RARB: variants seen among roughly 807,000 people sequenced by gnomAD.
RARB encodes the protein retinoic acid receptor beta.
RARB carries 17 observed loss-of-function variants against 51.9 expected under a neutral mutation model. The observed-to-expected ratio is 0.33, with a 90% CI of 0.22 to 0.49. The LOEUF (loss-of-function observed/expected upper bound fraction) is 0.49. Among genes scored for constraint, RARB ranks in the 20% least tolerant of loss-of-function variants. RARB has a pLI of 0.99. For synonymous variants in RARB, 215 were observed against 195.4 expected (o/e 1.10, Z -0.84); for missense variants, 369 against 550.8 (o/e 0.67, Z 3.30).
chr3:25,569,878 A>G lies in RARB; in HGVS notation c.569A>G (p.Glu190Gly). 1 of 1,614,230 alleles carries G rather than the reference A, an allele frequency of 6.2e-7. No homozygotes were observed. Among genetic ancestry groups the G allele is most frequent in the Non-Finnish European group, 8.5e-7 (1 of 1,180,036 alleles). Reference protein sequence around the residue: ...LTEKIRKAHQETFPSLCQLGK... With the variant: ...LTEKIRKAHQGTFPSLCQLGK... ...GAGAAGATCCGAAAAGCTCACCAGG[A>G]AACTTTCCCTTCACTCTGCCAGCTG... Residue 190 changes from glutamate (E) to glycine (G), a missense_variant, in exon 4 of 8, where the codon GAA becomes GGA. Physicochemically the swap from Glu to Gly is moderately conservative, Grantham distance 98 (BLOSUM62 -2). Transcript: ENST00000330688.
intron 2 of RARB, among the ~76,000 whole-genome samples, chr3:24,943,398 A>G (rs1006409720): frequency 3.3e-5 from 5 of 152,272 alleles, no homozygotes; most frequent in African/African-American, 4.8e-5. Flanking sequence ...TCTTCCCTCC[A>G]TATTGAATCC....
At chr3:24,963,427 C>G (rs575074475) in intron 2 of RARB, among the ~76,000 whole-genome samples, 1 of 148,350 alleles carries the variant, frequency 6.7e-6, no homozygotes, top group Non-Finnish European at 1.5e-5. Context: ...CTTGTTGTCA[C>G]GCTCATGGCC....
intron 7 of RARB, 70 bp from the exon 8 acceptor site, chr3:25,596,350 T>C (rs1259168675): frequency 5.0e-6 from 6 of 1,205,148 alleles, no homozygotes; most frequent in Non-Finnish European, 7.0e-6. Context: ...TATATGAAAA[T>C]TGGTCCCTGG....
chr3:24,918,806 G>T (rs2125385284), intron 2 of RARB, among the ~76,000 whole-genome samples: 1 of 152,274 alleles, frequency 6.6e-6, no homozygotes, highest in Admixed American at 6.5e-5. Flanking sequence ...CAGGAGAATT[G>T]CTTGAACCCA....
rs6793350 is a variant in RARB at position 25,161,729 on chromosome 3, A to G, written c.-279-12390A>G. On this transcript the variant is annotated intron_variant, in intron 4 of 11. Transcript: ENST00000383772. ...CTAGTTTTGTGTGTGTATCTTACTC[A>G]CTTCTTTTTTCCAAAATGTTGAATA... Among the ~76,000 whole-genome samples the G allele has an allele frequency of 3.9e-3, 588 of 152,184 alleles. 4 individuals carry two copies. The highest frequency in any genetic ancestry group is 0.014 in the African/African-American group (568 of 41,526).
intron 4 of RARB, among the ~76,000 whole-genome samples, chr3:25,160,129 A>G (rs1700449997): frequency 6.6e-6 from 1 of 152,210 alleles, no homozygotes; most frequent in Non-Finnish European, 1.5e-5. Context: ...AACTGTCTCC[A>G]TCATATCTAT....
At chr3:25,061,783 A>G (rs992144650) in intron 3 of RARB, among the ~76,000 whole-genome samples, 2 of 151,808 alleles carry the variant, frequency 1.3e-5, no homozygotes, top group Non-Finnish European at 3.0e-5. Flanking sequence ...AATTTAGAGG[A>G]AAAAAGTGAT....
At chr3:25,279,571 T>C (rs1207865063) in intron 5 of RARB, among the ~76,000 whole-genome samples, 3 of 151,368 alleles carry the variant, frequency 2.0e-5, no homozygotes, top group Non-Finnish European at 4.4e-5. Flanking sequence ...TAGTTACTAC[T>C]GATCTATTAA....
intron 2 of RARB, among the ~76,000 whole-genome samples, chr3:25,049,174 A>G (rs1408552521): frequency 1.3e-5 from 2 of 152,224 alleles, no homozygotes; most frequent in African/African-American, 2.4e-5. Flanking sequence ...AAGTATCTCA[A>G]TAGAAGCAGT....
intron 3 of RARB, among the ~76,000 whole-genome samples, chr3:25,510,038 G>A (rs960188890): frequency 6.6e-6 from 1 of 152,178 alleles, no homozygotes; most frequent in African/African-American, 2.4e-5. Flanking sequence ...CAGTGGTGCT[G>A]TGGTAGTTCA....
chr3:25,170,676 T>G (rs1486879273), intron 4 of RARB, among the ~76,000 whole-genome samples: 1 of 152,164 alleles, frequency 6.6e-6, no homozygotes, highest in Non-Finnish European at 1.5e-5. Context: ...CTCTCGTGAA[T>G]GAAATGCAAC....
At chr3:25,494,357 C>T (rs897024918) in intron 2 of RARB, among the ~76,000 whole-genome samples, 4 of 151,980 alleles carry the variant, frequency 2.6e-5, no homozygotes, top group Admixed American at 6.6e-5. Flanking sequence ...CTGTTGCTTA[C>T]CCATAATATT....
chr3:25,532,902 G>A (rs1477585187), intron 3 of RARB, among the ~76,000 whole-genome samples: 3 of 152,162 alleles, frequency 2.0e-5, no homozygotes, highest in African/African-American at 7.2e-5. Context: ...TTCAGAGGCT[G>A]GCCTCAGTAC....
At chr3:24,867,656 G>A (rs774909478) in intron 2 of RARB, among the ~76,000 whole-genome samples, 1 of 152,256 alleles carries the variant, frequency 6.6e-6, no homozygotes, top group Non-Finnish European at 1.5e-5. Context: ...CCCTTTCCTG[G>A]CAGAAGTGGG....
chr3:24,923,421 G>A (rs1695258479), intron 2 of RARB, among the ~76,000 whole-genome samples: 1 of 151,666 alleles, frequency 6.6e-6, no homozygotes. Flanking sequence ...AATTAGTGAT[G>A]TACTAAATCC....
chr3:25,487,282 A>T (rs995646686), intron 2 of RARB, among the ~76,000 whole-genome samples: 1 of 152,146 alleles, frequency 6.6e-6, no homozygotes, highest in Non-Finnish European at 1.5e-5. Context: ...TTTGGCTTTA[A>T]ATAATAGACC....
intron 3 of RARB, among the ~76,000 whole-genome samples, chr3:25,092,995 A>G (rs1016029050): frequency 1.3e-5 from 2 of 152,180 alleles, no homozygotes; most frequent in African/African-American, 2.4e-5. Context: ...TTGCCTTTCC[A>G]CTAAATGCCA....
chr3:25,332,676 G>A (rs1704938301), intron 5 of RARB, among the ~76,000 whole-genome samples: 1 of 152,114 alleles, frequency 6.6e-6, no homozygotes, highest in Non-Finnish European at 1.5e-5. Context: ...TTCTGGCCAG[G>A]GCAATCAGGC....
At chr3:25,224,036 G>C (rs941379966) in intron 5 of RARB, among the ~76,000 whole-genome samples, 8 of 152,112 alleles carry the variant, frequency 5.3e-5, no homozygotes, top group African/African-American at 1.9e-4. Context: ...GGTACACTTG[G>C]AAACACAACA....
Sources: allele counts gnomAD v4.1 joint callset (sites outside exome capture counted in the v4.1 genomes callset), GRCh38; gene constraint gnomAD v4.1.1; transcripts MANE v1.5; gene names NCBI Gene and HGNC (gene_info 2026-07-23, HGNC 2026-07-21).